WDFY4: variants seen among roughly 807,000 people sequenced by gnomAD.
The protein encoded by WDFY4 is WD repeat- and FYVE domain-containing protein 4.
WDFY4 carries 169 observed loss-of-function variants against 351.9 expected under a neutral mutation model. That is an observed-to-expected ratio of 0.48 (90% confidence interval 0.42 to 0.55). The LOEUF is 0.55. WDFY4 is among the 20% of genes least tolerant of loss of function. WDFY4 has a pLI of 0.00. For synonymous variants in WDFY4, 1,622 were observed against 1,574.6 expected (o/e 1.03, Z -0.71); for missense variants, 3,803 against 3,935.6 (o/e 0.97, Z 0.90).
At position 48,723,482 on chromosome 10, in the gene WDFY4, A is replaced by T; in HGVS notation, c.506A>T (p.Gln169Leu). Residue 169 changes from glutamine (Q) to leucine (L), a missense_variant, in exon 5 of 62, where the codon CAG becomes CTG. Transcript: ENST00000325239. ...AESGLPALLLQCLYLFFVFPL... is the reference protein window; with the variant it reads ...AESGLPALLLLCLYLFFVFPL... Reference sequence around the variant, plus strand: ...TCTGGGCTTCCAGCCCTGCTCCTACAGTGCCTTTACCTCTTCTTTGTCTTT... The same window carrying T: ...TCTGGGCTTCCAGCCCTGCTCCTACTGTGCCTTTACCTCTTCTTTGTCTTT... 1 of 1,551,108 alleles carries T rather than the reference A, an allele frequency of 6.4e-7. No homozygotes were observed. The highest frequency in any genetic ancestry group is 8.7e-7 in the Non-Finnish European group (1 of 1,146,996).
Position 48,870,926 on chromosome 10 carries a change from G to T in WDFY4, c.6742-2565G>T, listed in dbSNP as rs12255123. Among the ~76,000 whole-genome samples the T allele has an allele frequency of 8.4e-3, 1,220 of 146,084 alleles. 15 individuals are homozygous for T. Among genetic ancestry groups the T allele is most frequent in the African/African-American group, 0.03 (1,162 of 39,082 alleles). On this transcript the variant is annotated intron_variant, in intron 40 of 61. Transcript: ENST00000325239. ...CCCAGGTTGCATAGGTGGAGACTTG[G>T]GGTGGATATGCGTTCTTTTTTTTTT...
intron 40 of WDFY4, among the ~76,000 whole-genome samples, chr10:48,872,467 G>A (rs934638213): frequency 2.6e-5 from 4 of 152,202 alleles, no homozygotes; most frequent in Non-Finnish European, 5.9e-5. Flanking sequence ...ATGAGATAAA[G>A]CAGGTGCAGG....
chr10:48,976,775 G>T, intron 58 of WDFY4, 22 bp from the exon 59 acceptor site: 2 of 1,353,760 alleles, frequency 1.5e-6, no homozygotes, highest in Non-Finnish European at 1.9e-6. Context: ...AGCTTAGAGT[G>T]ATGCCAGCTC....
At chr10:48,924,499 G>C (rs1564492751) in intron 47 of WDFY4, among the ~76,000 whole-genome samples, 1 of 152,244 alleles carries the variant, frequency 6.6e-6, no homozygotes, top group Non-Finnish European at 1.5e-5. Flanking sequence ...TGGGCGAATA[G>C]ACAGACGAAT....
intron 12 of WDFY4, among the ~76,000 whole-genome samples, chr10:48,744,763 G>C (rs987783398): frequency 1.3e-5 from 2 of 152,146 alleles, no homozygotes; most frequent in African/African-American, 2.4e-5. Context: ...ACTTCTGTTT[G>C]TTCTTGAATT....
intron 56 of WDFY4, 101 bp downstream of exon 56, chr10:48,969,349 C>T (rs1842232256): frequency 7.3e-7 from 1 of 1,363,860 alleles, no homozygotes; most frequent in Admixed American, 2.1e-5. Flanking sequence ...AGCAACCTCG[C>T]TCACTTTCCC....
At chr10:48,787,974 T>TTCTCCTTCTCCTTCTC (rs2066538035) in intron 20 of WDFY4, among the ~76,000 whole-genome samples, 2 of 74,078 alleles carry the variant, frequency 2.7e-5, no homozygotes, top group Non-Finnish European at 5.3e-5. Flanking sequence ...TTCTTCTTCT[T>TTCTCCTTCTCCTTCTC]CTTCTTCTTC....
intron 16 of WDFY4, 36 bp downstream of exon 16, chr10:48,777,020 A>G: frequency 2.6e-6 from 4 of 1,531,068 alleles, no homozygotes; most frequent in Non-Finnish European, 2.6e-6. Flanking sequence ...AATGCACTTT[A>G]TTAATTTTGC....
chr10:48,857,044 A>G (rs2069157882), intron 39 of WDFY4, among the ~76,000 whole-genome samples: 1 of 152,222 alleles, frequency 6.6e-6, no homozygotes, highest in East Asian at 1.9e-4. Context: ...CTCACTTTCA[A>G]GAAAATAGCT....
intron 47 of WDFY4, among the ~76,000 whole-genome samples, chr10:48,930,048 T>G (rs187831888): frequency 6.6e-6 from 1 of 152,130 alleles, no homozygotes; most frequent in East Asian, 1.9e-4. Flanking sequence ...CCAAGACACA[T>G]GGCCTGTCTG....
chr10:48,977,081 G>A, intron 59 of WDFY4, 102 bp downstream of exon 59: 1 of 1,215,852 alleles, frequency 8.2e-7, no homozygotes, highest in Non-Finnish European at 1.1e-6. Flanking sequence ...TTGCATTTGA[G>A]ACCATTCCAG....
chr10:48,779,862 C>A (rs903183694), intron 18 of WDFY4, 79 bp from the exon 19 acceptor site: 6 of 1,497,278 alleles, frequency 4.0e-6, no homozygotes, highest in Non-Finnish European at 5.4e-6. Context: ...GGTTGACGTC[C>A]GCCTATGCCC....
chr10:48,918,919 G>T (rs1464617788), intron 47 of WDFY4, among the ~76,000 whole-genome samples: 1 of 152,170 alleles, frequency 6.6e-6, no homozygotes, highest in East Asian at 1.9e-4. Flanking sequence ...GAGCAAAATT[G>T]CCTGGAGATG....
chr10:48,826,271 T>A (rs878858880), intron 35 of WDFY4, among the ~76,000 whole-genome samples: 1 of 152,208 alleles, frequency 6.6e-6, no homozygotes, highest in Non-Finnish European at 1.5e-5. Flanking sequence ...GTTGTAGATG[T>A]GTGGTCTTAT....
intron 1 of WDFY4, among the ~76,000 whole-genome samples, chr10:48,708,590 T>C (rs2063692695): frequency 6.6e-6 from 1 of 152,212 alleles, no homozygotes; most frequent in Admixed American, 6.5e-5. Context: ...TAAACTATCC[T>C]ATGTTATGGT....
chr10:48,975,492 C>G (rs1490398460), intron 58 of WDFY4, among the ~76,000 whole-genome samples: 1 of 152,190 alleles, frequency 6.6e-6, no homozygotes, highest in African/African-American at 2.4e-5. Context: ...CAGACTGAAG[C>G]CCTGTCATGG....
intron 31 of WDFY4, 120 bp from the exon 32 acceptor site, chr10:48,817,125 A>G: frequency 8.2e-7 from 1 of 1,217,238 alleles, no homozygotes; most frequent in South Asian, 1.5e-5. Context: ...TGCAGTCTTA[A>G]ATAATGTATC....
intron 33 of WDFY4, 149 bp from the exon 34 acceptor site, chr10:48,820,913 G>A: frequency 1.6e-6 from 1 of 633,254 alleles, no homozygotes; most frequent in East Asian, 2.8e-5. Context: ...AGTCACAGAG[G>A]GTGGGCCCCC....
intron 57 of WDFY4, among the ~76,000 whole-genome samples, chr10:48,974,652 C>T (rs1005759666): frequency 1.3e-5 from 2 of 151,978 alleles, no homozygotes; most frequent in African/African-American, 4.8e-5. Flanking sequence ...GCAGAGCCTC[C>T]ACCCCTGGAG....
Sources: gnomAD v4.1 joint callset for allele counts (sites outside exome capture counted in the v4.1 genomes callset) on GRCh38, gnomAD v4.1.1 for gene constraint, MANE v1.5 for transcripts, NCBI Gene and HGNC (gene_info 2026-07-23, HGNC 2026-07-21) for gene names.